Variants in ELL observed in about 807,000 individuals in gnomAD.
ELL encodes the protein elongation factor for RNA polymerase II.
ELL carries 18 observed loss-of-function variants against 64.0 expected under a neutral mutation model. The observed-to-expected ratio is 0.28, with a 90% CI of 0.19 to 0.42. The LOEUF is 0.42. Ranked by LOEUF, ELL falls within the 10% of genes least tolerant of loss-of-function variation. ELL has a pLI of 1.00. For missense variants in ELL, 797 were observed against 870.4 expected (o/e 0.92, Z 1.06); for synonymous variants, 399 against 376.2 (o/e 1.06, Z -0.70).
intron 1 of ELL, among the ~76,000 whole-genome samples, chr19:18,513,896 A>G (rs975291212): frequency 1.3e-5 from 2 of 152,152 alleles, no homozygotes; most frequent in African/African-American, 4.8e-5. Context: ...ACACCACTGC[A>G]CTCCAGACTG....
chr19:18,449,317 G>A lies in ELL; in HGVS notation c.1465+1160C>T, dbSNP rs1974475675. 6.6e-6 allele frequency among the ~76,000 whole-genome samples: 1 copy of A among 152,084 alleles called. No individual in the cohort carries two copies. Among genetic ancestry groups the A allele is most frequent in the South Asian group, 2.1e-4 (1 of 4,826 alleles). On this transcript the variant is annotated intron_variant, in intron 8 of 11. Coordinates refer to ENST00000262809, the MANE Select transcript of ELL (RefSeq NM_006532.4). This position sits in a 1 kb window ranked among gnomAD's most constrained non-coding sequence, Gnocchi z 4.4. ...CCAGGTCTGGCTGTGGGGTGTGGGT[G>A]TGTCCTGGGAATCAGGAGTCCTGCC...
In ELL at chr19:18,451,596, A is replaced by G; in HGVS notation, c.922T>C (p.Ser308Pro). The change falls in exon 7 of 12, where the codon TCC becomes CCC. Residue 308 changes from serine to proline, a missense_variant. Transcript: ENST00000262809. ...CGCCCACGCTCGCCTGGGGGGCTGG[A>G]GGCAGCAGGGTCTCCAAGGAGGCTG... ...TGSLLGDPAA[S>P]SPPGERGRSA... 6.7e-7 allele frequency: 1 copy of G among 1,499,274 alleles called. No individual in the cohort carries two copies. Among genetic ancestry groups the G allele is most frequent in the Non-Finnish European group, 8.8e-7 (1 of 1,131,678 alleles). The allele number at this position is 1,499,274 out of a possible 1,614,324, so 92.9% of individuals were successfully genotyped here. A position where few individuals can be genotyped will look rare whatever the true frequency, so the allele number is the denominator to read the frequency against.
chr19:18,514,184 G>T (rs555501862), intron 1 of ELL, among the ~76,000 whole-genome samples: 1 of 152,068 alleles, frequency 6.6e-6, no homozygotes, highest in Non-Finnish European at 1.5e-5. Flanking sequence ...TCTCCCTGCG[G>T]ATGGTTTATT....
rs1974720035 is a variant in ELL, at chr19:18,458,080, C to T, written c.869+125G>A. On this transcript the variant is annotated intron_variant, in intron 6 of 11. Coordinates refer to ENST00000262809, the MANE Select transcript of ELL (RefSeq NM_006532.4). ...ATGGCCAGAGAGGCCTACTTGGACC[C>T]TTCCATCCTGCTCCCAAGCCCTGTG... 25 of 1,520,308 alleles carry T rather than the reference C, an allele frequency of 1.6e-5. No homozygotes were observed. The South Asian group carries it at 2.9e-4, about 18-fold the overall frequency. The allele number at this position is 1,520,308 out of a possible 1,614,324, so 94.2% of individuals were successfully genotyped here.
intron 2 of ELL, among the ~76,000 whole-genome samples, chr19:18,469,021 C>T (rs979986513): frequency 6.6e-6 from 1 of 152,164 alleles, no homozygotes; most frequent in African/African-American, 2.4e-5. Context: ...CATCTGCCCC[C>T]CAAACTCCAT....
rs370735358 is a variant in ELL, at chr19:18,462,335, C to CTGTGTGTGTGTG, written c.470-495_470-484dup. ...GAAATCACCTGATCACTCTAGTGGG[C>CTGTGTGTGTGTG]TGTGTGTGTGTGTGTGTGTGTGTGT... On this transcript the variant is annotated intron_variant, in intron 4 of 11. Coordinates refer to ENST00000262809, the MANE Select transcript of ELL (RefSeq NM_006532.4). Among the ~76,000 whole-genome samples, 70 of 64,990 alleles carry CTGTGTGTGTGTG rather than the reference C, an allele frequency of 1.1e-3. 9 individuals carry two copies. The highest frequency in any genetic ancestry group is 5.1e-3 in the African/African-American group (48 of 9,414). The allele number at this position is 64,990 out of a possible 152,430, so 42.6% of individuals were successfully genotyped here.
At chr19:18,478,379 G>A (rs1197100949) in intron 1 of ELL, among the ~76,000 whole-genome samples, 2 of 152,318 alleles carry the variant, frequency 1.3e-5, no homozygotes, top group East Asian at 3.9e-4. Flanking sequence ...GACACCTGCA[G>A]GGTACTGCCC....
chr19:18,521,386 C>G (rs538505653), intron 1 of ELL, among the ~76,000 whole-genome samples: 1 of 152,138 alleles, frequency 6.6e-6, no homozygotes, highest in South Asian at 2.1e-4. Context: ...AAGCCTTCCA[C>G]CCAGACAGAA....
intron 1 of ELL, among the ~76,000 whole-genome samples, chr19:18,512,133 C>T (rs554961066): frequency 1.1e-4 from 17 of 148,348 alleles, no homozygotes; most frequent in East Asian, 7.9e-4. Flanking sequence ...CCAGTCTAGG[C>T]GACAGAGTAA....
intron 1 of ELL, among the ~76,000 whole-genome samples, chr19:18,519,878 T>C (rs898868687): frequency 3.3e-5 from 5 of 151,780 alleles, no homozygotes; most frequent in African/African-American, 4.8e-5. Context: ...AGACAGCTTT[T>C]TGAGAAAAAT....
At chr19:18,506,548 G>A (rs1975888241) in intron 1 of ELL, among the ~76,000 whole-genome samples, 1 of 152,210 alleles carries the variant, frequency 6.6e-6, no homozygotes, top group Non-Finnish European at 1.5e-5. Flanking sequence ...GCAACACAGG[G>A]AGACTCTGTC....
intron 2 of ELL, chr19:18,470,848 C>A: frequency 4.8e-6 from 2 of 418,048 alleles, no homozygotes; most frequent in South Asian, 3.4e-5. Context: ...CTGCAGCCAG[C>A]CCTGAGGGTT....
At chr19:18,480,255 G>A (rs1038341576) in intron 1 of ELL, among the ~76,000 whole-genome samples, 1 of 152,216 alleles carries the variant, frequency 6.6e-6, no homozygotes, top group African/African-American at 2.4e-5. Flanking sequence ...ATTGGGAAAC[G>A]CTATTCAGGA....
At chr19:18,473,912 C>A (rs1975119804) in intron 1 of ELL, among the ~76,000 whole-genome samples, 1 of 152,234 alleles carries the variant, frequency 6.6e-6, no homozygotes, top group Non-Finnish European at 1.5e-5. Flanking sequence ...TGGGCTCCGT[C>A]TCCACTGCTC....
chr19:18,478,559 T>C (rs1269531340), intron 1 of ELL, among the ~76,000 whole-genome samples: 1 of 152,132 alleles, frequency 6.6e-6, no homozygotes, highest in Non-Finnish European at 1.5e-5. Flanking sequence ...TGGGAGCTCC[T>C]GAGATACAAA....
At chr19:18,500,104 A>C (rs907372605) in intron 1 of ELL, among the ~76,000 whole-genome samples, 2 of 152,190 alleles carry the variant, frequency 1.3e-5, no homozygotes, top group African/African-American at 4.8e-5. Flanking sequence ...TCTACTAAAA[A>C]TACAAAAATT....
rs1976139681 is a variant in ELL, at chr19:18,516,705, A to G, written c.135+5216T>C. Among the ~76,000 whole-genome samples the G allele has an allele frequency of 3.9e-5, 6 of 152,152 alleles. No individual in the cohort carries two copies. The South Asian group carries it at 1.2e-3, about 32-fold the overall frequency. On this transcript the variant is annotated intron_variant, in intron 1 of 11. Coordinates refer to ENST00000262809, the MANE Select transcript of ELL (RefSeq NM_006532.4). The stretch of plus-strand genomic sequence containing the variant: ...CTGGGTCCATTCACTAAGGGCTCAG[A>G]GCACAAGAGGGGTCAGGTTATTCTC...
At chr19:18,502,879 C>A (rs1165845728) in intron 1 of ELL, among the ~76,000 whole-genome samples, 1 of 152,242 alleles carries the variant, frequency 6.6e-6, no homozygotes, top group African/African-American at 2.4e-5. Flanking sequence ...AACCACGGGG[C>A]CACCTGGCCG....
chr19:18,457,409 C>T (rs1406627169), intron 6 of ELL, among the ~76,000 whole-genome samples: 2 of 152,220 alleles, frequency 1.3e-5, no homozygotes, highest in Non-Finnish European at 2.9e-5. Context: ...CAGGGCAGTG[C>T]CCCGCAGGCC....
Sources: allele counts gnomAD v4.1 joint callset (sites outside exome capture counted in the v4.1 genomes callset), GRCh38; gene constraint gnomAD v4.1.1; non-coding constraint Gnocchi (gnomAD v3.1); transcripts MANE v1.5; gene names NCBI Gene and HGNC (gene_info 2026-07-23, HGNC 2026-07-21).